Variants in SAC3D1 observed in about 807,000 individuals in gnomAD.
SAC3D1 encodes SAC3 domain-containing protein 1.
Under a neutral mutation model 12.7 loss-of-function variants are expected in SAC3D1, and 10 were observed. The observed-to-expected ratio is 0.79, with a 90% CI of 0.49 to 1.34. The LOEUF (loss-of-function observed/expected upper bound fraction) is 1.34, where lower values mean the gene tolerates loss of function less well. SAC3D1 is among the 40% of genes most tolerant of loss of function. SAC3D1 has a pLI of 0.00. For missense variants in SAC3D1, 482 were observed against 531.1 expected (o/e 0.91, Z 0.91); for synonymous variants, 241 against 250.8 (o/e 0.96, Z 0.37).
rs1352554236 is a variant in SAC3D1 at position 65,044,587 on chromosome 11, C to T, written c.937C>T (p.Arg313Cys). The T allele has an allele frequency of 2.4e-5, 38 of 1,613,880 alleles. No homozygotes were observed. The highest frequency in any genetic ancestry group is 8.3e-5 in the Admixed American group (5 of 60,006). Reference sequence around the variant, plus strand: ...GGAGAGAGTTGTGTTCCTGAGGGGTCGCTACGTGGAGGAAGGGCTACCGCC... The same window carrying T: ...GGAGAGAGTTGTGTTCCTGAGGGGTTGCTACGTGGAGGAAGGGCTACCGCC... The part of the protein sequence containing the change: ...GEERVVFLRG[R>C]YVEEGLPPAS... Residue 313 changes from arginine to cysteine, a missense_variant, in exon 2 of 2, where the codon CGC becomes TGC. Physicochemically the swap from Arg to Cys is radical, Grantham distance 180. Around this residue, in one of 3 missense-constraint regions of SAC3D1, gnomAD observed 225 missense variants for 241.1 expected, o/e 0.93. Coordinates refer to ENST00000652489, the MANE Select transcript of SAC3D1 (RefSeq NM_013299.4). This position sits in a 1 kb window ranked among gnomAD's most constrained non-coding sequence, Gnocchi z 4.0.
Position 65,041,760 on chromosome 11 carries a change from C to T in SAC3D1, c.468C>T (p.Ala156=). The change falls in exon 1 of 2, where the codon GCC becomes GCT. Residue 156 remains alanine (A), a synonymous_variant. Coordinates refer to ENST00000652489, the MANE Select transcript of SAC3D1 (RefSeq NM_013299.4). ...CCGCGGACCCGGTGCTGCTGCAGGC[C>T]CAGGTGCAGGAGGGCTTCGGCTCGC... ...RGPADPVLLQ[A]QVQEGFGSLR... is the part of the protein sequence containing the mutation. The T allele has an allele frequency of 1.5e-6, 2 of 1,355,752 alleles. No homozygotes were observed. The highest frequency in any genetic ancestry group is 3.6e-5 in the South Asian group (2 of 55,808). The allele number at this position is 1,355,752 out of a possible 1,614,324, so 84.0% of individuals were successfully genotyped here.
intron 1 of SAC3D1, among the ~76,000 whole-genome samples, chr11:65,042,508 A>G (rs776755094): frequency 7.9e-5 from 12 of 151,920 alleles, no homozygotes; most frequent in African/African-American, 1.2e-4. Flanking sequence ...GATACTTTCT[A>G]TGGGCGATGC....
At chr11:65,043,362 A>C (rs1946645038) in intron 1 of SAC3D1, among the ~76,000 whole-genome samples, 1 of 152,082 alleles carries the variant, frequency 6.6e-6, no homozygotes, top group Non-Finnish European at 1.5e-5. Context: ...CCTGGGCTAA[A>C]GTGATCCTAC....
At chr11:65,043,794 C>A (rs1337266854) in intron 1 of SAC3D1, among the ~76,000 whole-genome samples, 3 of 152,074 alleles carry the variant, frequency 2.0e-5, no homozygotes, top group African/African-American at 7.2e-5. Flanking sequence ...AAGGAAGGGG[C>A]CTTCCCAGGT....
At chr11:65,042,026 C>T (rs970799669) in intron 1 of SAC3D1, 160 bp downstream of exon 1, 1 of 964,328 alleles carries the variant, frequency 1.0e-6, no homozygotes, top group African/African-American at 1.7e-5. Context: ...TCGGGCCCAT[C>T]TCTGGGTCTT....
rs999303805 is a variant in SAC3D1, at chr11:65,041,768, A to C, written c.476A>C (p.Gln159Pro). 2.9e-6 allele frequency: 4 copies of C among 1,401,092 alleles called. No individual in the cohort carries two copies. The Admixed American group carries it at 9.7e-5, about 34-fold the overall frequency. The allele number at this position is 1,401,092 out of a possible 1,614,324, so 86.8% of individuals were successfully genotyped here. A position where few individuals can be genotyped will look rare whatever the true frequency, so the allele number is the denominator to read the frequency against. ...ADPVLLQAQV[Q>P]EGFGSLRRCY... ...CCGGTGCTGCTGCAGGCCCAGGTGC[A>C]GGAGGGCTTCGGCTCGCTGCGGCGC... is the stretch of plus-strand genomic sequence containing the variant. Residue 159 changes from glutamine to proline, a missense_variant, in exon 1 of 2, where the codon CAG becomes CCG. Gln to Pro is a moderately conservative substitution (Grantham distance 76). Coordinates refer to ENST00000652489, the MANE Select transcript of SAC3D1 (RefSeq NM_013299.4).
At position 65,041,292 on chromosome 11, in the gene SAC3D1, C is replaced by T; in HGVS notation, c.-1C>T. 6.7e-7 allele frequency: 1 copy of T among 1,502,182 alleles called. No individual in the cohort carries two copies. Among genetic ancestry groups the T allele is most frequent in the Non-Finnish European group, 8.8e-7 (1 of 1,133,406 alleles). 93.1% of individuals were successfully genotyped at this position (1,502,182 alleles called of 1,614,324 possible). On this transcript the variant is annotated 5_prime_UTR_variant, in exon 1 of 2. Transcript: ENST00000652489. The stretch of plus-strand genomic sequence containing the variant: ...GCCCACCGTCTCCCCGCAGCCCCCT[C>T]ATGCCCGGCTGCGAGCTGCCCGTGG...
intron 1 of SAC3D1, among the ~76,000 whole-genome samples, chr11:65,043,496 G>T (rs563172686): frequency 4.0e-5 from 6 of 151,602 alleles, no homozygotes; most frequent in African/African-American, 1.5e-4. Flanking sequence ...GTGCATACCC[G>T]TAATCCCAGC....
At position 65,044,060 on chromosome 11, in the gene SAC3D1, T is replaced by C. The variant is rs1383930704; in HGVS notation, c.575-165T>C. Among the ~76,000 whole-genome samples the C allele has an allele frequency of 6.6e-6, 1 of 152,060 alleles. No homozygotes were observed. Among genetic ancestry groups the C allele is most frequent in the Non-Finnish European group, 1.5e-5 (1 of 67,996 alleles). On this transcript the variant is annotated intron_variant, in intron 1 of 1. Transcript: ENST00000652489. This position sits in a 1 kb window ranked among gnomAD's most constrained non-coding sequence, Gnocchi z 4.0. The stretch of plus-strand genomic sequence containing the variant: ...CTGAGGCCACTCATTCAAATATAGG[T>C]TGGGGAAGGAGCCAAAGGCTGGCCC...
chr11:65,041,542 G>C lies in SAC3D1; in HGVS notation c.250G>C (p.Gly84Arg). The C allele has an allele frequency of 6.8e-7, 1 of 1,473,502 alleles. No individual in the cohort carries two copies. Among genetic ancestry groups the C allele is most frequent in the Non-Finnish European group, 8.9e-7 (1 of 1,118,096 alleles). The allele number at this position is 1,473,502 out of a possible 1,614,324, so 91.3% of individuals were successfully genotyped here. ...GCTGGCCACCGTGCGCTACCTGGCCGGTGAGGTGGCGGAGAGCGCCGACAT... is the reference window on the plus strand; with the variant it reads ...GCTGGCCACCGTGCGCTACCTGGCCCGTGAGGTGGCGGAGAGCGCCGACAT... ...VLLATVRYLA[G>R]EVAESADIAR... The change falls in exon 1 of 2, where the codon GGT becomes CGT. Residue 84 changes from glycine to arginine, a missense_variant. Gly to Arg is a moderately radical substitution (Grantham distance 125). Around this residue, in one of 3 missense-constraint regions of SAC3D1, gnomAD observed 197 missense variants for 183.2 expected, o/e 1.08. Coordinates refer to ENST00000652489, the MANE Select transcript of SAC3D1 (RefSeq NM_013299.4).
In SAC3D1 at chr11:65,041,875, G is replaced by A. The variant is rs896358420; in HGVS notation, c.574+9G>A. 1.4e-6 allele frequency: 2 copies of A among 1,428,116 alleles called. No individual in the cohort carries two copies. Among genetic ancestry groups the A allele is most frequent in the African/African-American group, 1.5e-5 (1 of 66,526 alleles). The allele number at this position is 1,428,116 out of a possible 1,614,324, so 88.5% of individuals were successfully genotyped here. On this transcript the variant is annotated intron_variant, in intron 1 of 1. Coordinates refer to ENST00000652489, the MANE Select transcript of SAC3D1 (RefSeq NM_013299.4). ...TCTGCTCTATAACCTGGGTGAGTCGGGATCCTGGCGGCTGGGCAGAGCGTG... is the reference window on the plus strand; with the variant it reads ...TCTGCTCTATAACCTGGGTGAGTCGAGATCCTGGCGGCTGGGCAGAGCGTG...
In SAC3D1 at chr11:65,044,434, G is replaced by A. The variant is rs768572224; in HGVS notation, c.784G>A (p.Ala262Thr). Residue 262 changes from alanine to threonine, a missense_variant, in exon 2 of 2, where the codon GCT becomes ACT. Ala to Thr is a moderately conservative substitution (Grantham distance 58, BLOSUM62 0). Coordinates refer to ENST00000652489, the MANE Select transcript of SAC3D1 (RefSeq NM_013299.4). This position sits in a 1 kb window ranked among gnomAD's most constrained non-coding sequence, Gnocchi z 4.0. ...HARREALARF[A>T]RAFSTPKGQT... ...CCGCCGGGAAGCCCTGGCCCGCTTC[G>A]CTCGTGCCTTTAGCACCCCCAAGGG... The A allele has an allele frequency of 3.5e-5, 56 of 1,613,748 alleles. No individual in the cohort carries two copies. The highest frequency in any genetic ancestry group is 4.6e-5 in the Non-Finnish European group (54 of 1,180,050).
At position 65,041,619 on chromosome 11, in the gene SAC3D1, C is replaced by T. The variant is rs1231358496; in HGVS notation, c.327C>T (p.Leu109=). Residue 109 remains leucine (L), a synonymous_variant, in exon 1 of 2, where the codon CTC becomes CTT. Coordinates refer to ENST00000652489, the MANE Select transcript of SAC3D1 (RefSeq NM_013299.4). The part of the protein sequence containing the change: ...SFVADRLRAV[L]LDLALQGAGD... ...TGGCAGACCGCTTGCGAGCTGTGCT[C>T]CTGGACCTGGCGCTGCAGGGAGCGG... 2 of 1,461,458 alleles carry T rather than the reference C, an allele frequency of 1.4e-6. No homozygotes were observed. The highest frequency in any genetic ancestry group is 2.6e-5 in the South Asian group (2 of 76,594). The allele number at this position is 1,461,458 out of a possible 1,614,324, so 90.5% of individuals were successfully genotyped here.
rs376282846 is a variant in SAC3D1 at position 65,044,621 on chromosome 11, C to T, written c.971C>T (p.Thr324Met). ...YVEEGLPPAS[T>M]CKVLVESKLR... ...GAGGAAGGGCTACCGCCTGCCAGTA[C>T]GTGCAAGGTGTTAGTGGAGAGCAAA... The change falls in exon 2 of 2, where the codon ACG becomes ATG. Residue 324 changes from threonine to methionine, a missense_variant. Thr to Met is a moderately conservative substitution (Grantham distance 81, BLOSUM62 -1). Transcript: ENST00000652489. The surrounding 1 kb of genome is among the most constrained non-coding windows in gnomAD (Gnocchi z 4.0). 3.2e-5 allele frequency: 51 copies of T among 1,613,936 alleles called. No individual in the cohort carries two copies. The highest frequency in any genetic ancestry group is 4.5e-5 in the East Asian group (2 of 44,860).
rs1309907011 is a variant in SAC3D1 at position 65,041,774 on chromosome 11, G to T, written c.482G>T (p.Gly161Val). The T allele has an allele frequency of 7.1e-7, 1 of 1,413,662 alleles. No individual in the cohort carries two copies. The highest frequency in any genetic ancestry group is 9.2e-7 in the Non-Finnish European group (1 of 1,089,920). The allele number at this position is 1,413,662 out of a possible 1,614,324, so 87.6% of individuals were successfully genotyped here. A position where few individuals can be genotyped will look rare whatever the true frequency, so the allele number is the denominator to read the frequency against. The change falls in exon 1 of 2, where the codon GGC becomes GTC. Residue 161 changes from glycine (G) to valine (V), a missense_variant. By Grantham distance (109) the Gly-to-Val change is moderately radical. Around this residue, in one of 3 missense-constraint regions of SAC3D1, gnomAD observed 60 missense variants for 106.9 expected, o/e 0.56. Coordinates refer to ENST00000652489, the MANE Select transcript of SAC3D1 (RefSeq NM_013299.4). ...CTGCTGCAGGCCCAGGTGCAGGAGG[G>T]CTTCGGCTCGCTGCGGCGCTGCTAC... ...PVLLQAQVQE[G>V]FGSLRRCYAR...
chr11:65,044,429 G>A lies in SAC3D1; in HGVS notation c.779G>A (p.Arg260His), dbSNP rs776932448. Residue 260 changes from arginine (R) to histidine (H), a missense_variant, in exon 2 of 2, where the codon CGC (arginine) becomes CAC (histidine). This residue lies in a region of SAC3D1 where 225 missense variants were observed against 241.1 expected (regional missense o/e 0.93). Coordinates refer to ENST00000652489, the MANE Select transcript of SAC3D1 (RefSeq NM_013299.4). This position sits in a 1 kb window ranked among gnomAD's most constrained non-coding sequence, Gnocchi z 4.0. ...VGHARREALARFARAFSTPKG... is the reference protein window; with the variant it reads ...VGHARREALAHFARAFSTPKG... ...CATGCCCGCCGGGAAGCCCTGGCCC[G>A]CTTCGCTCGTGCCTTTAGCACCCCC... 31 of 1,613,692 alleles carry A rather than the reference G, an allele frequency of 1.9e-5. No individual in the cohort carries two copies. Among genetic ancestry groups the A allele is most frequent in the Middle Eastern group, 1.6e-4 (1 of 6,084 alleles).
chr11:65,041,186 C>T, upstream of SAC3D1: 1 of 1,085,180 alleles, frequency 9.2e-7, no homozygotes, highest in Non-Finnish European at 1.2e-6. Flanking sequence ...CAGGTTCAGC[C>T]CCGCCCCGAC....
Position 65,044,500 on chromosome 11 carries a change from C to T in SAC3D1, c.850C>T (p.Leu284=). Residue 284 remains leucine, a synonymous_variant, in exon 2 of 2, where the codon CTG becomes TTG. Transcript: ENST00000652489. This position sits in a 1 kb window ranked among gnomAD's most constrained non-coding sequence, Gnocchi z 4.0. ...GGGCTTCATGGTCAACCTCTTGGCC[C>T]TGGATGGACTCAGGGAAGCACGGGA... ...PLGFMVNLLA[L]DGLREARDLC... 1 of 1,614,166 alleles carries T rather than the reference C, an allele frequency of 6.2e-7. No homozygotes were observed. The highest frequency in any genetic ancestry group is 1.3e-5 in the African/African-American group (1 of 75,070).
Position 65,041,702 on chromosome 11 carries a change from T to G in SAC3D1, c.410T>G (p.Val137Gly). The G allele has an allele frequency of 7.5e-7, 1 of 1,324,972 alleles. No individual in the cohort carries two copies. The highest frequency in any genetic ancestry group is 3.1e-5 in the East Asian group (1 of 31,910). The allele number at this position is 1,324,972 out of a possible 1,614,324, so 82.1% of individuals were successfully genotyped here. A position where few individuals can be genotyped will look rare whatever the true frequency, so the allele number is the denominator to read the frequency against. ...GCGCTGGCCACGCTGCTGACCGTAG[T>G]GGCGCGGCTCGGGCCCGACGCGGCG... is the stretch of plus-strand genomic sequence containing the variant. ...EAALATLLTV[V>G]ARLGPDAARG... Residue 137 changes from valine (V) to glycine (G), a missense_variant, in exon 1 of 2, where the codon GTG becomes GGG. By Grantham distance (109) the Val-to-Gly change is moderately radical. Around this residue, in one of 3 missense-constraint regions of SAC3D1, gnomAD observed 60 missense variants for 106.9 expected, o/e 0.56. Coordinates refer to ENST00000652489, the MANE Select transcript of SAC3D1 (RefSeq NM_013299.4).
Sources: gnomAD v4.1 joint callset for allele counts (sites outside exome capture counted in the v4.1 genomes callset) on GRCh38, gnomAD v4.1.1 for gene constraint, gnomAD v4.1.1 regional missense constraint, Gnocchi (gnomAD v3.1) non-coding constraint, MANE v1.5 for transcripts, NCBI Gene and HGNC (gene_info 2026-07-23, HGNC 2026-07-21) for gene names.